TSEN2: variants seen among roughly 807,000 people sequenced by gnomAD.
TSEN2 encodes the protein tRNA splicing endonuclease subunit 2.
Under a neutral mutation model 59.2 loss-of-function variants are expected in TSEN2, and 54 were observed. That is an observed-to-expected ratio of 0.91 (90% CI 0.73 to 1.14). The LOEUF (loss-of-function observed/expected upper bound fraction) is 1.14. Ranked by LOEUF, TSEN2 falls within the 50% of genes most tolerant of loss-of-function variation. The pLI is 0.00. For missense variants in TSEN2, 636 were observed against 576.2 expected (o/e 1.10, Z -1.06); for synonymous variants, 195 against 198.2 (o/e 0.98, Z 0.14).
chr3:12,504,673 T>G (rs2596827), intron 5 of TSEN2, among the ~76,000 whole-genome samples: 61,449 of 152,056 alleles, frequency 0.4, 13,155 homozygotes, highest in African/African-American at 0.53. Flanking sequence ...AGGAAATAAA[T>G]GAGAATCTTC....
At position 12,532,684 on chromosome 3, in the gene TSEN2, TTTC is replaced by T; in HGVS notation, c.1365_1367del (p.Ser456del). 1 of 1,614,080 alleles carries T rather than the reference TTTC, an allele frequency of 6.2e-7. No homozygotes were observed. Among genetic ancestry groups the T allele is most frequent in the Non-Finnish European group, 8.5e-7 (1 of 1,180,018 alleles). ...TAGGAGGTGATTCTGAGTCGATGGG[TTTC>T]TTCACGAGAGAGGAGTGACCAAGAC... is the stretch of plus-strand genomic sequence containing the variant. On this transcript the variant is annotated inframe_deletion, in exon 12 of 12. Transcript: ENST00000284995.
rs542879984 is a variant in TSEN2, at chr3:12,506,936, T to C, written c.909+1705T>C. 6 of 889,912 alleles carry C rather than the reference T, an allele frequency of 6.7e-6. No homozygotes were observed. The South Asian group carries it at 2.1e-4, about 31-fold the overall frequency. 55.1% of individuals were successfully genotyped at this position (889,912 alleles called of 1,614,324 possible). ...GGGGCCGGGCGCCGTGGCTCACACCTGTAATCCCAGCACTTTGGGAGGCCG... is the reference window on the plus strand; with the variant it reads ...GGGGCCGGGCGCCGTGGCTCACACCCGTAATCCCAGCACTTTGGGAGGCCG... On this transcript the variant is annotated intron_variant, in intron 6 of 11. Coordinates refer to ENST00000284995, the MANE Select transcript of TSEN2 (RefSeq NM_025265.4).
chr3:12,527,865 A>G (rs1046370444), intron 8 of TSEN2, among the ~76,000 whole-genome samples: 1 of 152,038 alleles, frequency 6.6e-6, no homozygotes, highest in African/African-American at 2.4e-5. Flanking sequence ...CACCTGGGGG[A>G]GAAATAACTG....
intron 7 of TSEN2, among the ~76,000 whole-genome samples, chr3:12,517,211 A>T (rs996726481): frequency 2.0e-5 from 3 of 152,058 alleles, no homozygotes; most frequent in Non-Finnish European, 2.9e-5. Context: ...ACAAAAAATT[A>T]GCCGGGCGTG....
chr3:12,508,732 T>C (rs545827700), intron 6 of TSEN2, among the ~76,000 whole-genome samples: 1 of 152,228 alleles, frequency 6.6e-6, no homozygotes, highest in African/African-American at 2.4e-5. Flanking sequence ...ATTGAAGAGC[T>C]ATAAACTGTA....
chr3:12,536,733 G>C (rs1310896046), downstream of TSEN2, among the ~76,000 whole-genome samples: 1 of 152,096 alleles, frequency 6.6e-6, no homozygotes, highest in African/African-American at 2.4e-5. Flanking sequence ...AGGCGCGGTG[G>C]CTCATGCCTA....
intron 8 of TSEN2, among the ~76,000 whole-genome samples, chr3:12,526,724 CAT>C (rs1039002716): frequency 1.3e-5 from 2 of 152,196 alleles, no homozygotes; most frequent in African/African-American, 4.8e-5. Flanking sequence ...AGGAAATTGA[CAT>C]AAAGAGTTGT....
intron 4 of TSEN2, among the ~76,000 whole-genome samples, chr3:12,499,233 A>G (rs1022123884): frequency 6.6e-6 from 1 of 152,192 alleles, no homozygotes; most frequent in African/African-American, 2.4e-5. Flanking sequence ...GGGAACTGAC[A>G]CAAGTAGGGG....
chr3:12,531,696 A>T, intron 11 of TSEN2, 37 bp downstream of exon 11: 1 of 1,325,960 alleles, frequency 7.5e-7, no homozygotes, highest in Non-Finnish European at 1.1e-6. Flanking sequence ...CATCCCAAAG[A>T]TTCTGTGAAT....
At chr3:12,524,601 C>G (rs1268488727) in intron 8 of TSEN2, among the ~76,000 whole-genome samples, 4 of 152,146 alleles carry the variant, frequency 2.6e-5, no homozygotes, top group African/African-American at 9.7e-5. Context: ...TCTCAAAATT[C>G]TAAACTTAGT....
intron 10 of TSEN2, 73 bp from the exon 11 acceptor site, chr3:12,531,497 A>G: frequency 2.1e-6 from 2 of 969,908 alleles, no homozygotes; most frequent in South Asian, 1.3e-5. Context: ...GACCACCTGC[A>G]TTTCCTGCTG....
chr3:12,492,128 C>T lies in TSEN2; in HGVS notation c.190-8C>T, dbSNP rs768856570. ...ATGAACTAACTTCATTTTCTCTCTT[C>T]CTGGAAGGGTTATTTTGGAAAAGGT... On this transcript the variant is annotated splice_region_variant and splice_polypyrimidine_tract_variant and intron_variant, in intron 2 of 11. Coordinates refer to ENST00000284995, the MANE Select transcript of TSEN2 (RefSeq NM_025265.4). 2 of 1,613,050 alleles carry T rather than the reference C, an allele frequency of 1.2e-6. No homozygotes were observed. Among genetic ancestry groups the T allele is most frequent in the South Asian group, 2.2e-5 (2 of 91,060 alleles).
rs1198532095 is a variant in TSEN2, at chr3:12,489,966, G to A, written c.166G>A (p.Asp56Asn). Residue 56 changes from aspartate to asparagine, a missense_variant, in exon 2 of 12, where the codon GAC (aspartate) becomes AAC (asparagine). Transcript: ENST00000284995. Reference sequence around the variant, plus strand: ...CAATGTGATTGTGAGGAATGCGGAGGACATTGAGCAGCTCTATGGGAAAGT... The same window carrying A: ...CAATGTGATTGTGAGGAATGCGGAGAACATTGAGCAGCTCTATGGGAAAGT... ...NNNVIVRNAE[D>N]IEQLYGKGYF... 3.7e-6 allele frequency: 6 copies of A among 1,614,194 alleles called. No individual in the cohort carries two copies. The highest frequency in any genetic ancestry group is 1.1e-5 in the South Asian group (1 of 91,078).
At chr3:12,515,373 A>G (rs1220038449) in intron 6 of TSEN2, among the ~76,000 whole-genome samples, 1 of 152,212 alleles carries the variant, frequency 6.6e-6, no homozygotes, top group Admixed American at 6.5e-5. Flanking sequence ...CTGCTCCCAC[A>G]CTGCACAAGA....
At position 12,529,812 on chromosome 3, in the gene TSEN2, G is replaced by A. The variant is rs147443206; in HGVS notation, c.1187G>A (p.Arg396His). ...GATGACCATTTTGAAGGCTCTCTCC[G>A]CAGGCCTCTCAGTTGGAAGTCCCTG... Reference protein sequence around the residue: ...LVDDHFEGSLRRPLSWKSLAA... With the variant: ...LVDDHFEGSLHRPLSWKSLAA... The change falls in exon 10 of 12, where the codon CGC becomes CAC. Residue 396 changes from arginine to histidine, a missense_variant. By Grantham distance (29) the Arg-to-His change is conservative. Transcript: ENST00000284995. 1.6e-5 allele frequency: 26 copies of A among 1,613,898 alleles called. No homozygotes were observed. The highest frequency in any genetic ancestry group is 1.6e-4 in the Middle Eastern group (1 of 6,084).
intron 1 of TSEN2, among the ~76,000 whole-genome samples, chr3:12,488,873 G>A (rs1399921965): frequency 2.6e-5 from 4 of 152,200 alleles, no homozygotes; most frequent in Admixed American, 1.3e-4. Flanking sequence ...TGGGTCACCC[G>A]ATGCCACCAC....
chr3:12,520,083 C>T (rs1237871360), intron 8 of TSEN2, among the ~76,000 whole-genome samples: 1 of 151,958 alleles, frequency 6.6e-6, no homozygotes, highest in Admixed American at 6.6e-5. Context: ...ACTGCAACCT[C>T]CACCCCATGG....
chr3:12,517,109 G>T (rs1413738519), intron 7 of TSEN2, among the ~76,000 whole-genome samples: 1 of 152,016 alleles, frequency 6.6e-6, no homozygotes, highest in Admixed American at 6.6e-5. Context: ...GCACACTGGG[G>T]GGCCGAGGCG....
intron 8 of TSEN2, among the ~76,000 whole-genome samples, chr3:12,528,067 G>C (rs1317339127): frequency 4.6e-5 from 7 of 152,166 alleles, no homozygotes; most frequent in Admixed American, 4.6e-4. Flanking sequence ...TACTTGAATG[G>C]CATGTATGGT....
Sources: allele counts gnomAD v4.1 joint callset (sites outside exome capture counted in the v4.1 genomes callset), GRCh38; gene constraint gnomAD v4.1.1; transcripts MANE v1.5; gene names NCBI Gene and HGNC (gene_info 2026-07-23, HGNC 2026-07-21).